Variants in OGG1 observed in about 807,000 individuals in gnomAD.
The protein encoded by OGG1 is N-glycosylase/DNA lyase.
In OGG1, 35 loss-of-function variants were observed where a neutral mutation model predicts 42.3. The ratio of observed to expected loss-of-function variants is 0.83; its 90% CI spans 0.63 to 1.10. OGG1 has a LOEUF of 1.10. Among genes scored for constraint, OGG1 ranks in the 50% least tolerant of loss-of-function variants. The probability of loss-of-function intolerance (pLI) is 0.00; values close to 1 mark genes in which losing one functional copy is unlikely to be tolerated. For missense variants in OGG1, 484 were observed against 446.7 expected, an observed-to-expected ratio of 1.08 and a Z score of -0.75; for synonymous variants, 189 against 179.0, an observed-to-expected ratio of 1.06 and a Z score of -0.44.
chr3:9,751,324 C>T (rs1380958604), intron 2 of OGG1, 132 bp downstream of exon 2: 6 of 891,986 alleles, frequency 6.7e-6, no homozygotes, highest in African/African-American at 6.6e-5. Context: ...GGAACTAATA[C>T]ATGTAAAGTG....
chr3:9,760,775 A>G (rs369091347), downstream of OGG1: 21 of 1,613,878 alleles, frequency 1.3e-5, no homozygotes, highest in Middle Eastern at 1.6e-4. Context: ...GAGCCTGGGC[A>G]GGGAGAAACT....
chr3:9,762,002 A>C (rs895443463), downstream of OGG1: 2 of 438,472 alleles, frequency 4.6e-6, no homozygotes, highest in Non-Finnish European at 8.2e-6. Flanking sequence ...GCCCTAAAGG[A>C]ATGTTTGAAT....
intron 2 of OGG1, chr3:9,781,401 T>TCCTC (rs2078460316): frequency 9.4e-6 from 4 of 425,798 alleles, no homozygotes; most frequent in Non-Finnish European, 1.9e-5. Context: ...ATTCATATGT[T>TCCTC]ACCCGTGAGG....
intron 3 of OGG1, among the ~76,000 whole-genome samples, chr3:9,782,806 A>C (rs1045499212): frequency 1.9e-3 from 288 of 150,746 alleles, no homozygotes; most frequent in African/African-American, 6.7e-3. Context: ...AAAAAAAAAA[A>C]GGCCAAATGA....
At chr3:9,762,832 G>A in intron 7 of OGG1, 1 of 1,420,532 alleles carries the variant, frequency 7.0e-7, no homozygotes. Context: ...GGGGGTGAAA[G>A]TTGCCCAAGG....
chr3:9,776,159 C>T (rs1045409295), intron 2 of OGG1, among the ~76,000 whole-genome samples: 4 of 152,136 alleles, frequency 2.6e-5, no homozygotes, highest in African/African-American at 9.7e-5. Flanking sequence ...CTTTCCCCTC[C>T]ACACACCCAG....
exon 8 of OGG1, chr3:9,765,920 G>C (rs941096222): frequency 2.5e-6 from 4 of 1,614,030 alleles, no homozygotes; most frequent in Non-Finnish European, 2.5e-6. Flanking sequence ...ACAAGGTGAA[G>C]AACTGGAACC....
chr3:9,766,814 T>C (rs1003599440), downstream of OGG1: 2 of 190,264 alleles, frequency 1.1e-5, no homozygotes, highest in African/African-American at 4.8e-5. Context: ...GTTTCCAGTC[T>C]TGTCCCTCTC....
exon 4 of OGG1, chr3:9,788,084 A>G (rs2078657075): frequency 8.7e-6 from 2 of 230,228 alleles, no homozygotes; most frequent in Non-Finnish European, 1.8e-5. Context: ...GATCCTGTAG[A>G]TAACGGGAGG....
In OGG1 at chr3:9,756,821, G is replaced by A. The variant is rs753123964; in HGVS notation, c.948+5G>A. 6.2e-7 allele frequency: 1 copy of A among 1,613,844 alleles called. No homozygotes were observed. The highest frequency in any genetic ancestry group is 8.5e-7 in the Non-Finnish European group (1 of 1,180,002). The stretch of plus-strand genomic sequence containing the variant: ...TATGCTGGCTGGGCCCAAGCGGTGA[G>A]TGTACCTAGGTGTCCTCCCTAGGTT... On this transcript the variant is annotated splice_donor_5th_base_variant and intron_variant, in intron 6 of 6. Transcript: ENST00000344629.
At chr3:9,775,649 T>G (rs932682838) in intron 2 of OGG1, among the ~76,000 whole-genome samples, 10 of 152,030 alleles carry the variant, frequency 6.6e-5, no homozygotes, top group African/African-American at 9.7e-5. Flanking sequence ...CAGAGGTTTT[T>G]TTTTTTTTTT....
chr3:9,790,570 A>G (rs1051224719), downstream of OGG1, among the ~76,000 whole-genome samples: 12 of 152,176 alleles, frequency 7.9e-5, no homozygotes, highest in African/African-American at 2.9e-4. Flanking sequence ...AACCATCTCT[A>G]TTTTGCAGAA....
downstream of OGG1, chr3:9,760,767 G>A: frequency 6.2e-7 from 1 of 1,614,056 alleles, no homozygotes; most frequent in South Asian, 1.1e-5. Flanking sequence ...TAACCGCAGA[G>A]CCTGGGCAGG....
downstream of OGG1, chr3:9,760,585 G>T: frequency 6.6e-7 from 1 of 1,514,106 alleles, no homozygotes; most frequent in Non-Finnish European, 9.2e-7. Flanking sequence ...GCAGGAGGGA[G>T]ACCGCCCCCA....
Position 9,766,377 on chromosome 3 carries a change from G to A in OGG1, c.*546G>A, listed in dbSNP as rs550589486. On this transcript the variant is annotated 3_prime_UTR_variant, in exon 8 of 8. Coordinates refer to the OGG1 transcript ENST00000302008. ...GGTTCATCCCTTTTTCTGCTAATTC[G>A]AGTCATGGCTAATTTAACACCCTTT... 1.3e-4 allele frequency: 81 copies of A among 614,720 alleles called. 3 individuals are homozygous for A. Among genetic ancestry groups the A allele is most frequent in the South Asian group, 7.8e-4 (47 of 60,002 alleles). 38.1% of individuals were successfully genotyped at this position (614,720 alleles called of 1,614,324 possible). A position where few individuals can be genotyped will look rare whatever the true frequency, so the allele number is the denominator to read the frequency against.
intron 2 of OGG1, chr3:9,780,132 C>G (rs2078425290): frequency 2.2e-6 from 1 of 447,360 alleles, no homozygotes; most frequent in Non-Finnish European, 4.0e-6. Flanking sequence ...AACCCCATCT[C>G]GGGGACCAAG....
In OGG1 at chr3:9,751,137, T is replaced by TA. The variant is rs757424099; in HGVS notation, c.330_331insA (p.His111ThrfsTer64). ...TAGATGTTACCCTGGCTCAACTGTATCACCACTGGGGTTCCGTGGACTCCC... is the reference window on the plus strand; with the variant it reads ...TAGATGTTACCCTGGCTCAACTGTATACACCACTGGGGTTCCGTGGACTCCC... On this transcript the variant is annotated frameshift_variant, in exon 2 of 7. Coordinates refer to ENST00000344629, the MANE Select transcript of OGG1 (RefSeq NM_002542.6). LOFTEE classifies it high-confidence loss of function. 1.2e-6 allele frequency: 2 copies of TA among 1,614,168 alleles called. No individual in the cohort carries two copies. The highest frequency in any genetic ancestry group is 1.7e-6 in the Non-Finnish European group (2 of 1,180,032).
chr3:9,783,633 C>G (rs984430524), intron 3 of OGG1: 4 of 156,260 alleles, frequency 2.6e-5, no homozygotes, highest in African/African-American at 9.6e-5. Flanking sequence ...AAAAAATTAG[C>G]TGGGCGTGGT....
chr3:9,761,048 C>T (rs930090373), downstream of OGG1: 2 of 423,218 alleles, frequency 4.7e-6, no homozygotes, highest in African/African-American at 2.0e-5. Context: ...CCTCACCACT[C>T]GGTCATCACC....
Sources: allele counts gnomAD v4.1 joint callset (sites outside exome capture counted in the v4.1 genomes callset), GRCh38; gene constraint gnomAD v4.1.1; transcripts MANE v1.5; gene names NCBI Gene and HGNC (gene_info 2026-07-23, HGNC 2026-07-21).